Variants in EAF2 observed in about 807,000 individuals in gnomAD.
EAF2 encodes the protein ELL associated factor 2, also known as ELL-associated factor 2.
Under a neutral mutation model 29.4 loss-of-function variants are expected in EAF2, and 29 were observed. The ratio of observed to expected loss-of-function variants is 0.99; its 90% CI spans 0.73 to 1.35. The LOEUF is 1.35. Among genes scored for constraint, EAF2 ranks in the 40% most tolerant of loss-of-function variants. EAF2 has a pLI of 0.00. For synonymous variants in EAF2, 103 were observed against 102.5 expected (o/e 1.00, Z -0.03); for missense variants, 292 against 312.0 (o/e 0.94, Z 0.48).
At position 121,862,867 on chromosome 3, in the gene EAF2, G is replaced by A. The variant is rs1316206421; in HGVS notation, c.484+5711G>A. 1.1e-3 allele frequency among the ~76,000 whole-genome samples: 171 copies of A among 152,198 alleles called. 3 individuals are homozygous for A. The highest frequency in any genetic ancestry group is 2.2e-4 in the Non-Finnish European group (15 of 68,044). On this transcript the variant is annotated intron_variant, in intron 4 of 5. Coordinates refer to ENST00000273668, the MANE Select transcript of EAF2 (RefSeq NM_018456.6). ...TCTTTGATAATGGTGACGTACAGAT[G>A]GGGTTTTGGTGTGGATGTCCTTTCT...
Position 121,835,391 on chromosome 3 carries a change from T to A in EAF2, c.106T>A (p.Tyr36Asn), listed in dbSNP as rs768672221. 1 of 1,613,574 alleles carries A rather than the reference T, an allele frequency of 6.2e-7. No homozygotes were observed. Among genetic ancestry groups the A allele is most frequent in the South Asian group, 1.1e-5 (1 of 91,050 alleles). The change falls in exon 1 of 6, where the codon TAT (tyrosine) becomes AAT (asparagine). Residue 36 changes from tyrosine (Y) to asparagine (N), a missense_variant and splice_region_variant. Physicochemically the swap from Tyr to Asn is moderately radical, Grantham distance 143. Coordinates refer to ENST00000273668, the MANE Select transcript of EAF2 (RefSeq NM_018456.6). Reference sequence around the variant, plus strand: ...GCGCTGCGCCTTCCACACTGTGCGCTGTGAGTGAGGACCATCCGGGGATAG... The same window carrying A: ...GCGCTGCGCCTTCCACACTGTGCGCAGTGAGTGAGGACCATCCGGGGATAG... ...QPRCAFHTVRYDFKPASIDTS... is the reference protein window; with the variant it reads ...QPRCAFHTVRNDFKPASIDTS...
At chr3:121,868,686 C>T (rs73181839) in intron 4 of EAF2, among the ~76,000 whole-genome samples, 38,163 of 151,996 alleles carry the variant, frequency 0.25, 5,081 homozygotes, top group South Asian at 0.39. Context: ...AGTGTGTATA[C>T]ATCTAACAAC....
At chr3:121,880,064 G>A (rs979655892) in intron 5 of EAF2, among the ~76,000 whole-genome samples, 4 of 152,118 alleles carry the variant, frequency 2.6e-5, no homozygotes, top group African/African-American at 9.6e-5. Context: ...TTTAATCAGT[G>A]TTTTATAGTC....
intron 4 of EAF2, 79 bp downstream of exon 4, chr3:121,857,235 T>A: frequency 7.6e-7 from 1 of 1,315,658 alleles, no homozygotes; most frequent in South Asian, 1.5e-5. Context: ...GGCTCACACC[T>A]GTAATCCCAG....
At chr3:121,868,020 G>A (rs1348027199) in intron 4 of EAF2, among the ~76,000 whole-genome samples, 1 of 152,074 alleles carries the variant, frequency 6.6e-6, no homozygotes, top group Non-Finnish European at 1.5e-5. Flanking sequence ...AAGCAAAACA[G>A]AGAAATGAAA....
At chr3:121,870,205 C>T (rs181204669) in intron 4 of EAF2, among the ~76,000 whole-genome samples, 1 of 152,164 alleles carries the variant, frequency 6.6e-6, no homozygotes, top group Admixed American at 6.5e-5. Context: ...AATACCCAAA[C>T]CAGATAAAGA....
intron 4 of EAF2, among the ~76,000 whole-genome samples, chr3:121,860,054 T>G (rs1708798000): frequency 6.6e-6 from 1 of 152,246 alleles, no homozygotes; most frequent in Non-Finnish European, 1.5e-5. Context: ...CTTTTTGATG[T>G]GCTGCTGGAT....
chr3:121,886,042 T>A (rs1435305155), intron 5 of EAF2, among the ~76,000 whole-genome samples: 1 of 152,142 alleles, frequency 6.6e-6, no homozygotes, highest in African/African-American at 2.4e-5. Context: ...CTAAACTACA[T>A]TTTTCTCATT....
chr3:121,840,442 G>A (rs1210837641), intron 1 of EAF2, among the ~76,000 whole-genome samples: 1 of 133,226 alleles, frequency 7.5e-6, no homozygotes, highest in African/African-American at 2.8e-5. Flanking sequence ...AGTGGGCCAA[G>A]ATCGCGCCAC....
At chr3:121,884,627 A>G (rs2107553250) in intron 5 of EAF2, among the ~76,000 whole-genome samples, 1 of 151,960 alleles carries the variant, frequency 6.6e-6, no homozygotes, top group East Asian at 2.0e-4. Context: ...GGGTTTCACC[A>G]TGTTGGCCAG....
chr3:121,870,065 C>A (rs6764617), intron 4 of EAF2, among the ~76,000 whole-genome samples: 22,114 of 151,954 alleles, frequency 0.15, 1,988 homozygotes, highest in African/African-American at 0.25. Context: ...GCACCCACCC[C>A]AAAAATAGCC....
At chr3:121,843,627 A>G (rs1371490192) in intron 1 of EAF2, among the ~76,000 whole-genome samples, 1 of 152,150 alleles carries the variant, frequency 6.6e-6, no homozygotes, top group Non-Finnish European at 1.5e-5. Context: ...CTGTTGATGT[A>G]TATTCGTATG....
intron 4 of EAF2, among the ~76,000 whole-genome samples, chr3:121,859,580 T>C (rs947460191): frequency 2.0e-5 from 3 of 152,160 alleles, no homozygotes; most frequent in African/African-American, 7.2e-5. Flanking sequence ...GCTGAGACAA[T>C]GGGGTTTTCT....
chr3:121,851,762 T>C (rs558007465), intron 2 of EAF2, among the ~76,000 whole-genome samples: 1 of 151,794 alleles, frequency 6.6e-6, no homozygotes, highest in East Asian at 1.9e-4. Flanking sequence ...GGAAAGAGAG[T>C]AGGGAGGAGA....
At chr3:121,886,214 C>T (rs1028878719) in intron 5 of EAF2, 128 bp from the exon 6 acceptor site, 3 of 433,890 alleles carry the variant, frequency 6.9e-6, no homozygotes, top group Non-Finnish European at 1.2e-5. Context: ...CACTGAATTA[C>T]AGAATAAGCA....
intron 5 of EAF2, among the ~76,000 whole-genome samples, chr3:121,876,159 C>T (rs1310802308): frequency 1.3e-5 from 2 of 151,810 alleles, no homozygotes; most frequent in Non-Finnish European, 2.9e-5. Flanking sequence ...ACCTTAAAAA[C>T]TACAGAGAAG....
At chr3:121,872,391 G>A (rs1709029499) in intron 4 of EAF2, 146 bp from the exon 5 acceptor site, 1 of 619,152 alleles carries the variant, frequency 1.6e-6, no homozygotes, top group Non-Finnish European at 2.6e-6. Context: ...GAAGAGTTTT[G>A]TTTTTTAATA....
At chr3:121,861,101 A>G (rs1559824263) in intron 4 of EAF2, among the ~76,000 whole-genome samples, 1 of 152,172 alleles carries the variant, frequency 6.6e-6, no homozygotes, top group African/African-American at 2.4e-5. Context: ...TATGTGGTCA[A>G]TTTTGGAATA....
At chr3:121,862,202 A>G (rs1471080701) in intron 4 of EAF2, among the ~76,000 whole-genome samples, 1 of 152,020 alleles carries the variant, frequency 6.6e-6, no homozygotes, top group Non-Finnish European at 1.5e-5. Flanking sequence ...TATTTCCTGA[A>G]TTTGAATGTT....
Sources: allele counts gnomAD v4.1 joint callset (sites outside exome capture counted in the v4.1 genomes callset), GRCh38; gene constraint gnomAD v4.1.1; transcripts MANE v1.5; gene names NCBI Gene and HGNC (gene_info 2026-07-23, HGNC 2026-07-21).